ADIPOR1: variants seen among roughly 807,000 people sequenced by gnomAD.
ADIPOR1 encodes the protein adiponectin receptor 1.
ADIPOR1 carries 15 observed loss-of-function variants against 37.5 expected under a neutral mutation model. The ratio of observed to expected loss-of-function variants is 0.40; its 90% confidence interval spans 0.27 to 0.62. The LOEUF is 0.62. ADIPOR1 is among the 20% of genes least tolerant of loss of function. The pLI, the probability that ADIPOR1 is intolerant of heterozygous loss-of-function variation, is 0.42. For missense variants in ADIPOR1, 286 were observed against 478.0 expected (o/e 0.60, Z 3.75); for synonymous variants, 173 against 173.2 (o/e 1.00, Z 0.01).
intron 6 of ADIPOR1, among the ~76,000 whole-genome samples, chr1:202,943,535 A>G (rs908387571): frequency 2.6e-5 from 4 of 152,172 alleles, no homozygotes; most frequent in Non-Finnish European, 5.9e-5. Flanking sequence ...CAGTTAATTG[A>G]CCAGCTGGGT....
chr1:202,945,996 C>G (rs542574233), intron 4 of ADIPOR1, among the ~76,000 whole-genome samples: 3 of 138,426 alleles, frequency 2.2e-5, no homozygotes, highest in Non-Finnish European at 3.1e-5. Context: ...AACCCCCCCC[C>G]ACCCCTTTGT....
intron 5 of ADIPOR1, 176 bp downstream of exon 5, chr1:202,944,807 A>C: frequency 1.8e-6 from 1 of 548,958 alleles, no homozygotes; most frequent in Non-Finnish European, 3.2e-6. Flanking sequence ...TCTGTTCATG[A>C]AGTGTTTAAG....
At chr1:202,955,004 C>T (rs1654723836) in intron 1 of ADIPOR1, among the ~76,000 whole-genome samples, 1 of 152,108 alleles carries the variant, frequency 6.6e-6, no homozygotes, top group Non-Finnish European at 1.5e-5. Flanking sequence ...ACCAGTCTAG[C>T]AGTATAGATA....
chr1:202,946,837 G>C lies in ADIPOR1; in HGVS notation c.259-227C>G, dbSNP rs114295432. On this transcript the variant is annotated intron_variant, in intron 3 of 7. Transcript: ENST00000340990. ...TAAAAAAAAAAAAAAAATCCTGGCT[G>C]AGTGTAGCGGCTCATGCCTGTAATC... Among the ~76,000 whole-genome samples, 450 of 151,970 alleles carry C rather than the reference G, an allele frequency of 3.0e-3. 3 individuals carry two copies. Among genetic ancestry groups the C allele is most frequent in the African/African-American group, 0.01 (422 of 41,470 alleles).
At chr1:202,946,659 CCAAGGA>C in intron 3 of ADIPOR1, 49 bp from the exon 4 acceptor site, 1 of 1,593,814 alleles carries the variant, frequency 6.3e-7, no homozygotes, top group Non-Finnish European at 8.6e-7. Flanking sequence ...AGTACCTTCC[CCAAGGA>C]CAAGCAGTGA....
In ADIPOR1 at chr1:202,948,402, A is replaced by G. The variant is rs760949189; in HGVS notation, c.160T>C (p.Cys54Arg). Residue 54 changes from cysteine to arginine, a missense_variant, in exon 3 of 8, where the codon TGC becomes CGC. By Grantham distance (180) the Cys-to-Arg change is radical. Coordinates refer to ENST00000340990, the MANE Select transcript of ADIPOR1 (RefSeq NM_015999.6). Reference protein sequence around the residue: ...NPPKAEEEQTCPVPQEEEEEV... With the variant: ...NPPKAEEEQTRPVPQEEEEEV... ...TCCTCTTCTTCCTGGGGCACTGGGCATGTTTGCTCTTCTTCAGCCTATGGG... is the reference window on the plus strand; with the variant it reads ...TCCTCTTCTTCCTGGGGCACTGGGCGTGTTTGCTCTTCTTCAGCCTATGGG... 4 of 1,613,860 alleles carry G rather than the reference A, an allele frequency of 2.5e-6. No individual in the cohort carries two copies. In the Admixed American group the frequency reaches 6.7e-5, roughly 27 times the overall value.
At chr1:202,942,729 A>G (rs1193159511) in intron 6 of ADIPOR1, among the ~76,000 whole-genome samples, 1 of 152,222 alleles carries the variant, frequency 6.6e-6, no homozygotes, top group African/African-American at 2.4e-5. Context: ...TATGTGTCTC[A>G]TCATTACACT....
At chr1:202,945,707 G>A (rs1052289215) in intron 4 of ADIPOR1, among the ~76,000 whole-genome samples, 1 of 152,190 alleles carries the variant, frequency 6.6e-6, no homozygotes, top group African/African-American at 2.4e-5. Context: ...AATGTCTTTT[G>A]CAGCAACCTG....
At chr1:202,946,661 A>G (rs780462183) in intron 3 of ADIPOR1, 51 bp from the exon 4 acceptor site, 1 of 1,587,472 alleles carries the variant, frequency 6.3e-7, no homozygotes, top group Non-Finnish European at 8.6e-7. Context: ...TACCTTCCCC[A>G]AGGACAAGCA....
chr1:202,944,807 A>T (rs1366199424), intron 5 of ADIPOR1, 176 bp downstream of exon 5: 2 of 548,840 alleles, frequency 3.6e-6, no homozygotes, highest in African/African-American at 3.7e-5. Context: ...TCTGTTCATG[A>T]AGTGTTTAAG....
chr1:202,942,045 G>A lies in ADIPOR1; in HGVS notation c.979C>T (p.Pro327Ser). ...CTTACCCATATGTCAAATTTTCCAG[G>A]AAAGAAGCGCTCAGGAATTCGAGCA... ...YAARIPERFF[P>S]GKFDIWFQSH... The change falls in exon 7 of 8, where the codon CCT becomes TCT. Residue 327 changes from proline (P) to serine (S), a missense_variant. Transcript: ENST00000340990. The A allele has an allele frequency of 6.2e-7, 1 of 1,612,706 alleles. No homozygotes were observed. Among genetic ancestry groups the A allele is most frequent in the Non-Finnish European group, 8.5e-7 (1 of 1,179,372 alleles).
chr1:202,949,125 C>T (rs1654453888), intron 2 of ADIPOR1, among the ~76,000 whole-genome samples: 1 of 151,938 alleles, frequency 6.6e-6, no homozygotes, highest in Non-Finnish European at 1.5e-5. Flanking sequence ...CACAGAGTCT[C>T]AGAGAGTTCC....
intron 4 of ADIPOR1, among the ~76,000 whole-genome samples, chr1:202,946,029 A>T (rs1654301084): frequency 6.7e-6 from 1 of 148,616 alleles, no homozygotes; most frequent in African/African-American, 2.5e-5. Flanking sequence ...ATTGAAATAA[A>T]AAAAAAATCA....
intron 1 of ADIPOR1, among the ~76,000 whole-genome samples, chr1:202,956,622 T>C (rs906690747): frequency 2.0e-5 from 3 of 152,148 alleles, no homozygotes; most frequent in Non-Finnish European, 2.9e-5. Context: ...AAAAGTTTTG[T>C]GGAAGATTTT....
chr1:202,948,796 CTT>C (rs11335076), intron 2 of ADIPOR1, among the ~76,000 whole-genome samples: 114 of 141,140 alleles, frequency 8.1e-4, no homozygotes, highest in Non-Finnish European at 8.2e-4. Flanking sequence ...TTCTTTCTTT[CTT>C]TTTTTTTTTT....
intron 1 of ADIPOR1, among the ~76,000 whole-genome samples, chr1:202,955,587 C>A (rs1354296645): frequency 1.3e-5 from 2 of 152,024 alleles, no homozygotes; most frequent in South Asian, 4.2e-4. Context: ...GATTTTAATG[C>A]CAGCCCATTT....
At chr1:202,944,664 A>G (rs1019417483) in intron 5 of ADIPOR1, 1 of 177,328 alleles carries the variant, frequency 5.6e-6, no homozygotes, top group African/African-American at 2.4e-5. Context: ...GGCTAATAGT[A>G]AGTTACGCTT....
At chr1:202,957,656 C>T (rs1228101178) in intron 1 of ADIPOR1, among the ~76,000 whole-genome samples, 4 of 152,180 alleles carry the variant, frequency 2.6e-5, no homozygotes, top group Non-Finnish European at 5.9e-5. Context: ...GATCACCAAC[C>T]TCCCTTCCCA....
chr1:202,950,664 A>C (rs1361420602), intron 2 of ADIPOR1, among the ~76,000 whole-genome samples: 2 of 152,266 alleles, frequency 1.3e-5, no homozygotes, highest in Non-Finnish European at 1.5e-5. Context: ...TGCTTCCTTC[A>C]TTCATTCAGA....
Sources: allele counts gnomAD v4.1 joint callset (sites outside exome capture counted in the v4.1 genomes callset), GRCh38; gene constraint gnomAD v4.1.1; transcripts MANE v1.5; gene names NCBI Gene and HGNC (gene_info 2026-07-23, HGNC 2026-07-21).